Variants in ARFGEF1 observed in about 807,000 individuals in gnomAD.
ARFGEF1 encodes ARF guanine nucleotide exchange factor 1.
ARFGEF1 carries 42 observed loss-of-function variants against 231.0 expected under a neutral mutation model. The observed-to-expected ratio is 0.18, with a 90% CI of 0.14 to 0.24. ARFGEF1 has a LOEUF of 0.24. Among genes scored for constraint, ARFGEF1 ranks in the 10% least tolerant of loss-of-function variants. The pLI is 1.00. For missense variants in ARFGEF1, 1,345 were observed against 2,192.0 expected, an observed-to-expected ratio of 0.61 and a Z score of 7.72; for synonymous variants, 710 against 732.3, an observed-to-expected ratio of 0.97 and a Z score of 0.49.
At chr8:67,268,949 T>C (rs1336526728) in intron 10 of ARFGEF1, among the ~76,000 whole-genome samples, 1 of 151,994 alleles carries the variant, frequency 6.6e-6, no homozygotes, top group African/African-American at 2.4e-5. Context: ...AAATAAATAA[T>C]ATAGACTGGA....
chr8:67,216,734 G>A, intron 32 of ARFGEF1, 72 bp from the exon 33 acceptor site: 2 of 1,210,696 alleles, frequency 1.7e-6, no homozygotes, highest in South Asian at 1.5e-5. Context: ...ATTTTGAAAT[G>A]GGCCCAAGAA....
intron 5 of ARFGEF1, among the ~76,000 whole-genome samples, chr8:67,183,423 A>G (rs1431839892): frequency 2.0e-5 from 3 of 152,232 alleles, no homozygotes; most frequent in Non-Finnish European, 4.4e-5. Flanking sequence ...AACAGATGTA[A>G]AAGAAGATAA....
At chr8:67,268,539 C>T (rs566469570) in intron 10 of ARFGEF1, among the ~76,000 whole-genome samples, 1 of 152,234 alleles carries the variant, frequency 6.6e-6, no homozygotes, top group Non-Finnish European at 1.5e-5. Flanking sequence ...ACACTACATT[C>T]CCTTCAATGA....
At chr8:67,190,624 C>T (rs1486369447) in intron 5 of ARFGEF1, 1 of 1,527,744 alleles carries the variant, frequency 6.5e-7, no homozygotes, top group Non-Finnish European at 9.1e-7. Context: ...TATTAAGACT[C>T]CTTCTGCTTT....
In ARFGEF1 at chr8:67,197,745, A is replaced by G; in HGVS notation, c.*1189T>C. On this transcript the variant is annotated 3_prime_UTR_variant, in exon 39 of 39. Coordinates refer to ENST00000262215, the MANE Select transcript of ARFGEF1 (RefSeq NM_006421.5). Reference sequence around the variant, plus strand: ...CCAGATGGGAATCAATATTGTACAGAAAGTTGTACAGAATTTTTTACATAG... The same window carrying G: ...CCAGATGGGAATCAATATTGTACAGGAAGTTGTACAGAATTTTTTACATAG... The G allele has an allele frequency of 2.0e-6, 2 of 985,854 alleles. No homozygotes were observed. Among genetic ancestry groups the G allele is most frequent in the South Asian group, 4.7e-5 (1 of 21,288 alleles). The allele number at this position is 985,854 out of a possible 1,614,324, so 61.1% of individuals were successfully genotyped here.
rs767384457 is a variant in ARFGEF1, at chr8:67,227,563, A to G, written c.3627T>C (p.Phe1209=). ...ACAACTGCCTCAAGGAGTCTACTGC[A>G]AAAATAGCTACATCTTCATTAGGAT... is the stretch of plus-strand genomic sequence containing the variant. The part of the protein sequence containing the change: ...GCNPNEDVAI[F]AVDSLRQLSM... The change falls in exon 26 of 39, where the codon TTT becomes TTC. Residue 1209 remains phenylalanine, a synonymous_variant. Transcript: ENST00000262215. 2.5e-6 allele frequency: 4 copies of G among 1,612,908 alleles called. No individual in the cohort carries two copies. The highest frequency in any genetic ancestry group is 3.4e-6 in the Non-Finnish European group (4 of 1,179,212).
intron 6 of ARFGEF1, among the ~76,000 whole-genome samples, chr8:67,290,513 T>C (rs774853504): frequency 2.6e-5 from 4 of 152,250 alleles, no homozygotes; most frequent in Non-Finnish European, 5.9e-5. Context: ...ATATTATACC[T>C]TATTTATGCT....
chr8:67,258,851 A>G (rs1298831820), intron 15 of ARFGEF1, among the ~76,000 whole-genome samples: 1 of 151,692 alleles, frequency 6.6e-6, no homozygotes, highest in Non-Finnish European at 1.5e-5. Flanking sequence ...ACACACACAC[A>G]CACCAGTCAT....
downstream of ARFGEF1, chr8:67,197,599 C>T (rs1010191982): frequency 1.1e-5 from 11 of 983,222 alleles, no homozygotes; most frequent in African/African-American, 1.9e-4. Context: ...ATGTCTTTTC[C>T]ATAGTTGTTC....
chr8:67,319,206 T>C (rs929864066), intron 1 of ARFGEF1, among the ~76,000 whole-genome samples: 1 of 152,226 alleles, frequency 6.6e-6, no homozygotes, highest in Non-Finnish European at 1.5e-5. Context: ...CAGGATTTTC[T>C]GCACATAAAC....
chr8:67,217,190 G>C (rs1160990410), intron 32 of ARFGEF1, among the ~76,000 whole-genome samples: 1 of 151,620 alleles, frequency 6.6e-6, no homozygotes. Context: ...TGTAATCCTA[G>C]CTACTTGGGA....
At chr8:67,197,548 A>C, downstream of ARFGEF1, 1 of 877,834 alleles carries the variant, frequency 1.1e-6, no homozygotes, top group Non-Finnish European at 1.4e-6. Flanking sequence ...GAAAGAAAAT[A>C]CCAGAACCAA....
intron 1 of ARFGEF1, among the ~76,000 whole-genome samples, chr8:67,315,176 C>T (rs1807249252): frequency 1.3e-5 from 2 of 152,122 alleles, no homozygotes; most frequent in South Asian, 4.1e-4. Flanking sequence ...AAAGACATTA[C>T]ACAATGATAG....
At chr8:67,322,845 G>A (rs762773619) in intron 1 of ARFGEF1, among the ~76,000 whole-genome samples, 3 of 152,112 alleles carry the variant, frequency 2.0e-5, no homozygotes, top group Non-Finnish European at 4.4e-5. Flanking sequence ...ATTATTTTAT[G>A]TATTTATCTC....
At chr8:67,273,270 G>C (rs561753683) in intron 9 of ARFGEF1, among the ~76,000 whole-genome samples, 9 of 151,618 alleles carry the variant, frequency 5.9e-5, no homozygotes, top group African/African-American at 2.2e-4. Flanking sequence ...TCACTATCTA[G>C]TGTTTTAATT....
At chr8:67,226,277 T>C in intron 27 of ARFGEF1, 94 bp from the exon 28 acceptor site, 1 of 1,132,368 alleles carries the variant, frequency 8.8e-7, no homozygotes, top group South Asian at 2.1e-5. Context: ...GCACTTCCTC[T>C]TAAAGGTTGT....
Position 67,301,210 on chromosome 8 carries a change from C to T in ARFGEF1, c.312+14G>A, listed in dbSNP as rs1392963282. 6.4e-7 allele frequency: 1 copy of T among 1,571,582 alleles called. No homozygotes were observed. The highest frequency in any genetic ancestry group is 8.6e-7 in the Non-Finnish European group (1 of 1,161,324). ...AAAGTACACAGTTTTTAGAAAGTGC[C>T]ATTTTAGACATACCTGTAAGCAATC... On this transcript the variant is annotated intron_variant, in intron 3 of 38. Transcript: ENST00000262215.
At chr8:67,228,182 G>C (rs1839438533) in intron 24 of ARFGEF1, 42 bp downstream of exon 24, 1 of 1,605,902 alleles carries the variant, frequency 6.2e-7, no homozygotes, top group Non-Finnish European at 8.5e-7. Context: ...AGTTATTTTA[G>C]CCCCAAGCCA....
intron 1 of ARFGEF1, among the ~76,000 whole-genome samples, chr8:67,332,279 CT>C (rs1808135806): frequency 6.6e-6 from 1 of 152,044 alleles, no homozygotes; most frequent in African/African-American, 2.4e-5. Flanking sequence ...AGATTTTGTT[CT>C]TGTATCAATT....
Sources: gnomAD v4.1 joint callset for allele counts (sites outside exome capture counted in the v4.1 genomes callset) on GRCh38, gnomAD v4.1.1 for gene constraint, MANE v1.5 for transcripts, NCBI Gene and HGNC (gene_info 2026-07-23, HGNC 2026-07-21) for gene names.